The following DTWD1 variants were observed in gnomAD, a reference collection of about 807,000 sequenced individuals.
The protein encoded by DTWD1 is DTW motif tRNA-uridine aminocarboxypropyltransferase 1.
In DTWD1, 27 loss-of-function variants were observed where a neutral mutation model predicts 30.2. That is an observed-to-expected ratio of 0.90 (90% confidence interval 0.66 to 1.23). The LOEUF (loss-of-function observed/expected upper bound fraction) is 1.23. Ranked by LOEUF, DTWD1 falls within the 50% of genes most tolerant of loss-of-function variation. The probability of loss-of-function intolerance (pLI) is 0.00; values close to 1 mark genes in which losing one functional copy is unlikely to be tolerated. For missense variants in DTWD1, 342 were observed against 348.8 expected (o/e 0.98, Z 0.15); for synonymous variants, 99 against 113.1 (o/e 0.88, Z 0.79).
At chr15:49,635,850 A>G (rs900844868) in intron 4 of DTWD1, among the ~76,000 whole-genome samples, 1 of 152,170 alleles carries the variant, frequency 6.6e-6, no homozygotes, top group Non-Finnish European at 1.5e-5. Flanking sequence ...GTAGTAAACT[A>G]CATGTTTCCA....
At position 49,649,816 on chromosome 15, in the gene DTWD1, A is replaced by T. The variant is rs2079142316; in HGVS notation, c.*6238A>T. On this transcript the variant is annotated 3_prime_UTR_variant, in exon 5 of 5. Transcript: ENST00000403028. The stretch of plus-strand genomic sequence containing the variant: ...AGGATTCATTCATCCATTCTAAAAA[A>T]TTTTGAGTGCATACTATGTGTCAAA... The T allele has an allele frequency of 6.6e-6, 1 of 152,196 alleles. No homozygotes were observed. Among genetic ancestry groups the T allele is most frequent in the African/African-American group, 2.4e-5 (1 of 41,444 alleles). 9.4% of individuals were successfully genotyped at this position (152,196 alleles called of 1,614,324 possible). A position where few individuals can be genotyped will look rare whatever the true frequency, so the allele number is the denominator to read the frequency against.
chr15:49,640,468 T>C (rs2079053184), intron 4 of DTWD1, among the ~76,000 whole-genome samples: 1 of 152,126 alleles, frequency 6.6e-6, no homozygotes, highest in Non-Finnish European at 1.5e-5. Flanking sequence ...CATTGCTGAG[T>C]TGTTGAGTAT....
chr15:49,622,995 G>C (rs2078788731), intron 1 of DTWD1, among the ~76,000 whole-genome samples: 1 of 152,202 alleles, frequency 6.6e-6, no homozygotes, highest in Non-Finnish European at 1.5e-5. Context: ...TGATATTTCT[G>C]AGGTATCTCT....
intron 2 of DTWD1, chr15:49,631,090 T>C (rs1346105549): frequency 3.4e-6 from 1 of 294,266 alleles, no homozygotes; most frequent in Admixed American, 3.5e-5. Context: ...TTATATATTA[T>C]AATGTAATAA....
chr15:49,638,818 A>G (rs1261667947), intron 4 of DTWD1, among the ~76,000 whole-genome samples: 7 of 152,182 alleles, frequency 4.6e-5, no homozygotes, highest in African/African-American at 9.7e-5. Flanking sequence ...AAAATAAAAC[A>G]CTTGAAGGTA....
chr15:49,633,049 C>CTATATATATATA (rs1555588610), intron 3 of DTWD1, among the ~76,000 whole-genome samples: 17,423 of 116,476 alleles, frequency 0.15, 1,536 homozygotes, highest in Non-Finnish European at 0.21. Context: ...ATATCTATAT[C>CTATATATATATA]TATATATATA....
rs2153355267 is a variant in DTWD1, at chr15:49,655,677, A to G, written c.*12099A>G. 6.6e-6 allele frequency: 1 copy of G among 152,212 alleles called. No individual in the cohort carries two copies. Among genetic ancestry groups the G allele is most frequent in the East Asian group, 1.9e-4 (1 of 5,162 alleles). 9.4% of individuals were successfully genotyped at this position (152,212 alleles called of 1,614,324 possible). On this transcript the variant is annotated 3_prime_UTR_variant, in exon 5 of 5. Coordinates refer to ENST00000403028, the MANE Select transcript of DTWD1 (RefSeq NM_001144955.2). ...AGCTTGAAGTCATTCTAAAGTCTTC[A>G]CAAAGGATCTTACAGCCTTTGATTT... is the stretch of plus-strand genomic sequence containing the variant.
At chr15:49,632,988 G>A (rs1215648549) in intron 3 of DTWD1, among the ~76,000 whole-genome samples, 1 of 148,976 alleles carries the variant, frequency 6.7e-6, no homozygotes, top group African/African-American at 2.5e-5. Context: ...TTAAAAATTA[G>A]TGCATTCATT....
intron 4 of DTWD1, among the ~76,000 whole-genome samples, chr15:49,636,989 C>T (rs956437349): frequency 1.3e-5 from 2 of 152,146 alleles, no homozygotes; most frequent in Non-Finnish European, 2.9e-5. Flanking sequence ...AAACTTTTCA[C>T]CAGTGATTTT....
intron 1 of DTWD1, chr15:49,623,730 G>T (rs988196686): frequency 1.3e-5 from 2 of 152,124 alleles, no homozygotes; most frequent in Admixed American, 1.3e-4. Flanking sequence ...AGAAAAGAGG[G>T]CATCTTAATA....
At chr15:49,630,983 CTGTCTCCCA>C (rs976815254) in intron 2 of DTWD1, 1 of 448,248 alleles carries the variant, frequency 2.2e-6, no homozygotes, top group Non-Finnish European at 4.5e-6. Context: ...AGATCTGTCA[CTGTCTCCCA>C]TGTCCTAGAT....
intron 2 of DTWD1, 105 bp downstream of exon 2, chr15:49,625,536 G>A: frequency 1.7e-6 from 2 of 1,183,628 alleles, no homozygotes; most frequent in African/African-American, 3.1e-5. Flanking sequence ...TGTTATTATT[G>A]TTAGAAACAA....
chr15:49,641,997 A>G (rs1334942753), intron 4 of DTWD1, among the ~76,000 whole-genome samples: 1 of 152,170 alleles, frequency 6.6e-6, no homozygotes, highest in Admixed American at 6.6e-5. Flanking sequence ...TGGAAAAGTC[A>G]TAGTCATTAT....
chr15:49,626,373 TGTGTTATCATTAGA>T (rs1261710625), intron 2 of DTWD1, among the ~76,000 whole-genome samples: 18 of 152,280 alleles, frequency 1.2e-4, no homozygotes, highest in African/African-American at 4.3e-4. Context: ...TTCCCTGGGC[TGTGTTATCATTAGA>T]GTGATTTTAA....
intron 2 of DTWD1, 88 bp from the exon 3 acceptor site, chr15:49,632,071 C>T (rs756570317): frequency 1.8e-6 from 2 of 1,111,496 alleles, no homozygotes; most frequent in Non-Finnish European, 2.6e-6. Context: ...TTATTGTGAG[C>T]TTCCTATTTA....
In DTWD1 at chr15:49,634,724, G is replaced by GA. The variant is rs2078978051; in HGVS notation, c.604dup (p.Ile202AsnfsTer6). On this transcript the variant is annotated frameshift_variant, in exon 4 of 5. Coordinates refer to ENST00000403028, the MANE Select transcript of DTWD1 (RefSeq NM_001144955.2). LOFTEE classifies it high-confidence loss of function. ...ACAGCAAGTGCAAAGGCACAACACT[G>GA]AAAAAAATTATATTTATAGATAGCA... is the stretch of plus-strand genomic sequence containing the variant. 6.2e-7 allele frequency: 1 copy of GA among 1,604,992 alleles called. No homozygotes were observed.
intron 4 of DTWD1, 81 bp downstream of exon 4, chr15:49,634,875 G>A (rs2078980740): frequency 1.5e-6 from 2 of 1,378,332 alleles, no homozygotes; most frequent in Admixed American, 4.9e-5. Context: ...TAATTTGAAA[G>A]AGGAGTTACA....
At chr15:49,636,849 T>A (rs1375113638) in intron 4 of DTWD1, among the ~76,000 whole-genome samples, 1 of 152,196 alleles carries the variant, frequency 6.6e-6, no homozygotes, top group African/African-American at 2.4e-5. Flanking sequence ...TGTCTATCAT[T>A]TGTGATAACT....
At chr15:49,625,977 GA>G (rs2078838849) in intron 2 of DTWD1, among the ~76,000 whole-genome samples, 1 of 151,980 alleles carries the variant, frequency 6.6e-6, no homozygotes, top group Admixed American at 6.6e-5. Flanking sequence ...TTTTGAAGAG[GA>G]ATTTATCATT....
Sources: gnomAD v4.1 joint callset for allele counts (sites outside exome capture counted in the v4.1 genomes callset) on GRCh38, gnomAD v4.1.1 for gene constraint, MANE v1.5 for transcripts, NCBI Gene and HGNC (gene_info 2026-07-23, HGNC 2026-07-21) for gene names.